MGST1: variants seen among roughly 807,000 people sequenced by gnomAD.
MGST1 encodes the protein microsomal glutathione S-transferase 1, also known as glutathione S-transferase 12.
MGST1 carries 5 observed loss-of-function variants against 8.9 expected under a neutral mutation model. That is an observed-to-expected ratio of 0.56 (90% CI 0.29 to 1.19). The LOEUF is 1.19. Among genes scored for constraint, MGST1 ranks in the 50% most tolerant of loss-of-function variants. The probability of loss-of-function intolerance (pLI) is 0.08; values close to 1 mark genes in which losing one functional copy is unlikely to be tolerated. For synonymous variants in MGST1, 54 were observed against 67.8 expected, an observed-to-expected ratio of 0.80 and a Z score of 1.00; for missense variants, 182 against 187.4, an observed-to-expected ratio of 0.97 and a Z score of 0.17.
intron 4 of MGST1, among the ~76,000 whole-genome samples, chr12:16,509,687 C>T (rs1213096676): frequency 2.0e-5 from 3 of 152,188 alleles, no homozygotes; most frequent in Admixed American, 1.3e-4. Context: ...CATTACACAT[C>T]TGTTTATAGG....
At chr12:16,460,795 G>C (rs116239696) in intron 4 of MGST1, among the ~76,000 whole-genome samples, 1 of 151,844 alleles carries the variant, frequency 6.6e-6, no homozygotes, top group Non-Finnish European at 1.5e-5. Context: ...CCTCATAAGC[G>C]CATGTGTGTT....
chr12:16,420,111 A>G (rs1477582935), intron 1 of MGST1, among the ~76,000 whole-genome samples: 2 of 152,174 alleles, frequency 1.3e-5, no homozygotes, highest in African/African-American at 4.8e-5. Context: ...TTAGCTTTAC[A>G]TATATGAATT....
rs1433153518 is a variant in MGST1, at chr12:16,361,923, A to T, written c.222-1872A>T. Reference sequence around the variant, plus strand: ...CTTGACCTTCCTTCCCTCTACCCTCATGGTCCTCTTACTGTCCTTGACTTT... The same window carrying T: ...CTTGACCTTCCTTCCCTCTACCCTCTTGGTCCTCTTACTGTCCTTGACTTT... On this transcript the variant is annotated intron_variant, in intron 3 of 3. Transcript: ENST00000396210. The surrounding 1 kb of genome is among the most constrained non-coding windows in gnomAD (Gnocchi z 4.2). 2.0e-5 allele frequency among the ~76,000 whole-genome samples: 3 copies of T among 152,142 alleles called. No homozygotes were observed. The highest frequency in any genetic ancestry group is 4.4e-5 in the Non-Finnish European group (3 of 68,020).
chr12:16,565,008 T>A (rs956184876), intron 4 of MGST1, among the ~76,000 whole-genome samples: 3 of 152,122 alleles, frequency 2.0e-5, no homozygotes, highest in African/African-American at 7.2e-5. Context: ...CAGGCTGAAC[T>A]CACACTCTTG....
At chr12:16,581,036 T>A (rs2137535516) in intron 4 of MGST1, among the ~76,000 whole-genome samples, 1 of 152,336 alleles carries the variant, frequency 6.6e-6, no homozygotes, top group Admixed American at 6.5e-5. Flanking sequence ...TAACAAATTT[T>A]TTTCTAATCT....
chr12:16,564,001 C>A (rs1942497423), intron 4 of MGST1, among the ~76,000 whole-genome samples: 1 of 152,138 alleles, frequency 6.6e-6, no homozygotes, highest in African/African-American at 2.4e-5. Context: ...TTCTGACACA[C>A]TTCCAAAAGT....
At chr12:16,510,407 C>CTAATTA (rs2137178338) in intron 4 of MGST1, among the ~76,000 whole-genome samples, 1 of 152,276 alleles carries the variant, frequency 6.6e-6, no homozygotes, top group South Asian at 2.1e-4. Context: ...ACAGCATTTG[C>CTAATTA]TAATTAGCAA....
chr12:16,432,035 T>C (rs541457359), intron 1 of MGST1, among the ~76,000 whole-genome samples: 18 of 152,216 alleles, frequency 1.2e-4, no homozygotes, highest in Non-Finnish European at 2.4e-4. Flanking sequence ...CTGGTCCTTT[T>C]CAATACTACT....
At chr12:16,485,641 C>T (rs1212966743) in intron 4 of MGST1, among the ~76,000 whole-genome samples, 1 of 152,116 alleles carries the variant, frequency 6.6e-6, no homozygotes, top group African/African-American at 2.4e-5. Context: ...TTTACCTACC[C>T]ACATATCTCT....
intron 4 of MGST1, among the ~76,000 whole-genome samples, chr12:16,526,105 T>A (rs1407572497): frequency 6.8e-6 from 1 of 147,786 alleles, no homozygotes; most frequent in African/African-American, 2.6e-5. Flanking sequence ...GCCTGTTCAC[T>A]CTGATGGTAG....
chr12:16,502,130 T>C (rs1338209386), intron 4 of MGST1, among the ~76,000 whole-genome samples: 1 of 152,174 alleles, frequency 6.6e-6, no homozygotes, highest in East Asian at 1.9e-4. Flanking sequence ...CAAAAATAAT[T>C]AGAAACACAA....
intron 4 of MGST1, among the ~76,000 whole-genome samples, chr12:16,466,390 GA>G (rs1941255389): frequency 6.6e-6 from 1 of 152,138 alleles, no homozygotes; most frequent in Admixed American, 6.5e-5. Flanking sequence ...AAAAGTGAAG[GA>G]ATCTACTGTA....
At chr12:16,522,854 T>C (rs933408446) in intron 4 of MGST1, among the ~76,000 whole-genome samples, 6 of 152,098 alleles carry the variant, frequency 3.9e-5, no homozygotes, top group African/African-American at 1.2e-4. Flanking sequence ...GTAACCTTTC[T>C]TTCTGTTTCC....
Position 16,363,886 on chromosome 12 carries a change from C to G in MGST1, c.313C>G (p.Leu105Val). The change falls in exon 4 of 4, where the codon CTG becomes GTG. Residue 105 changes from leucine to valine, a missense_variant. Coordinates refer to ENST00000396210, the MANE Select transcript of MGST1 (RefSeq NM_020300.5). This position sits in a 1 kb window ranked among gnomAD's most constrained non-coding sequence, Gnocchi z 4.6. ...TGGTCCCGACCCCTCTACAGCCATC[C>G]TGCACTTCAGACTATTTGTCGGAGC... ...LSGPDPSTAILHFRLFVGARI... is the reference protein window; with the variant it reads ...LSGPDPSTAIVHFRLFVGARI... 2.5e-6 allele frequency: 4 copies of G among 1,613,948 alleles called. No homozygotes were observed. The Admixed American group carries it at 5.0e-5, about 20-fold the overall frequency.
chr12:16,460,951 T>G (rs1389273446), intron 4 of MGST1, among the ~76,000 whole-genome samples: 1 of 152,006 alleles, frequency 6.6e-6, no homozygotes, highest in African/African-American at 2.4e-5. Flanking sequence ...TATTAGTAAT[T>G]ATGTGACCTT....
At chr12:16,418,285 T>C (rs760873667) in intron 1 of MGST1, among the ~76,000 whole-genome samples, 1 of 152,120 alleles carries the variant, frequency 6.6e-6, no homozygotes, top group Non-Finnish European at 1.5e-5. Flanking sequence ...AGCCAGAAAT[T>C]GAGACAAGCT....
At position 16,548,325 on chromosome 12, in the gene MGST1, TG is replaced by T. The variant is rs1447294200; in HGVS notation, n.483-41202del. The T allele has an allele frequency of 4.7e-5, 7 of 150,396 alleles. No individual in the cohort carries two copies. The highest frequency in any genetic ancestry group is 7.4e-5 in the Non-Finnish European group (5 of 67,282). The allele number at this position is 150,396 out of a possible 1,614,324, so 9.3% of individuals were successfully genotyped here. A position where few individuals can be genotyped will look rare whatever the true frequency, so the allele number is the denominator to read the frequency against. On this transcript the variant is annotated intron_variant and non_coding_transcript_variant, in intron 4 of 4. Transcript: ENST00000538857. This position sits in a 1 kb window ranked among gnomAD's most constrained non-coding sequence, Gnocchi z 4.2. ...TTTTTCTTTTCATGGACTTAACATA[TG>T]CTTTCTAGAGATCATCTTAAATTTT...
In MGST1 at chr12:16,401,976, C is replaced by G; in HGVS notation, n.778+18372C>G. 3 of 1,612,270 alleles carry G rather than the reference C, an allele frequency of 1.9e-6. No individual in the cohort carries two copies. Among genetic ancestry groups the G allele is most frequent in the South Asian group, 2.2e-5 (2 of 91,052 alleles). ...TTCTTTGTTGAGGCAGTCATTCCAG[C>G]TCTTCATGAACTCTCCAGGGAATTT... On this transcript the variant is annotated intron_variant and non_coding_transcript_variant, in intron 1 of 1. Transcript: ENST00000359720. This position sits in a 1 kb window ranked among gnomAD's most constrained non-coding sequence, Gnocchi z 4.3.
At chr12:16,438,322 T>C (rs182262274) in exon 2 of MGST1, 1 of 152,048 alleles carries the variant, frequency 6.6e-6, no homozygotes, top group Non-Finnish European at 1.5e-5. Flanking sequence ...GCCACTGGGA[T>C]AAAATTACAT....
Sources: allele counts gnomAD v4.1 joint callset (sites outside exome capture counted in the v4.1 genomes callset), GRCh38; gene constraint gnomAD v4.1.1; non-coding constraint Gnocchi (gnomAD v3.1); transcripts MANE v1.5; gene names NCBI Gene and HGNC (gene_info 2026-07-23, HGNC 2026-07-21).